Variants in SYT1 observed in about 807,000 individuals in gnomAD.
SYT1 encodes the protein synaptotagmin-1.
In SYT1, 8 loss-of-function variants were observed where a neutral mutation model predicts 44.8. The observed-to-expected ratio is 0.18, with a 90% CI of 0.10 to 0.32. The LOEUF (loss-of-function observed/expected upper bound fraction) is 0.32, where lower values mean the gene tolerates loss of function less well. Among genes scored for constraint, SYT1 ranks in the 10% least tolerant of loss-of-function variants. The pLI is 1.00. For missense variants in SYT1, 286 were observed against 509.3 expected, an observed-to-expected ratio of 0.56 and a Z score of 4.22; for synonymous variants, 154 against 188.8, an observed-to-expected ratio of 0.82 and a Z score of 1.51.
At chr12:79,009,303 TG>T (rs1292166444) in intron 2 of SYT1, among the ~76,000 whole-genome samples, 1 of 136,464 alleles carries the variant, frequency 7.3e-6, no homozygotes, top group Non-Finnish European at 1.6e-5. Context: ...CTCTGGTTTT[TG>T]TTTGTTTGTT....
chr12:79,163,494 C>T lies in SYT1; in HGVS notation c.-17-54009C>T, dbSNP rs371945752. Among the ~76,000 whole-genome samples the T allele has an allele frequency of 5.9e-4, 89 of 152,126 alleles. 2 individuals carry two copies. Among genetic ancestry groups the T allele is most frequent in the African/African-American group, 2.0e-3 (84 of 41,532 alleles). On this transcript the variant is annotated intron_variant, in intron 3 of 10. Transcript: ENST00000261205. ...ACTATGCTGTGCACTTTATGTAAGT[C>T]GTCTCCTATATTCCTTGATAACACG...
chr12:79,374,734 A>G (rs1030345122), intron 9 of SYT1, among the ~76,000 whole-genome samples: 1 of 152,236 alleles, frequency 6.6e-6, no homozygotes, highest in African/African-American at 2.4e-5. Context: ...TCACATATTC[A>G]GCAAATATGT....
At chr12:79,040,484 T>G in intron 2 of SYT1, among the ~76,000 whole-genome samples, 1 of 152,212 alleles carries the variant, frequency 6.6e-6, no homozygotes, top group South Asian at 2.1e-4. Context: ...GTTTTTTTCT[T>G]GTAAATTTGT....
intron 3 of SYT1, among the ~76,000 whole-genome samples, chr12:79,059,990 C>A (rs1875255634): frequency 6.6e-6 from 1 of 152,106 alleles, no homozygotes; most frequent in Admixed American, 6.6e-5. Context: ...TGCTCCTAGA[C>A]ATTATGCAAA....
chr12:78,883,302 A>G (rs768513947), intron 1 of SYT1, among the ~76,000 whole-genome samples: 9 of 151,738 alleles, frequency 5.9e-5, no homozygotes, highest in Non-Finnish European at 8.9e-5. Flanking sequence ...CATGGCACAT[A>G]CTAAGTAGTA....
At chr12:78,875,966 A>G (rs1412773149) in intron 1 of SYT1, among the ~76,000 whole-genome samples, 1 of 151,638 alleles carries the variant, frequency 6.6e-6, no homozygotes, top group African/African-American at 2.4e-5. Context: ...AAAGAAATTA[A>G]ATACATGGCC....
At chr12:79,369,737 C>A (rs1312393556) in intron 9 of SYT1, among the ~76,000 whole-genome samples, 1 of 152,014 alleles carries the variant, frequency 6.6e-6, no homozygotes, top group Non-Finnish European at 1.5e-5. Context: ...GCAGATATAT[C>A]TTTTAAAATT....
chr12:79,039,808 T>C lies in SYT1; in HGVS notation c.-83-7489T>C, dbSNP rs566615216. 1.2e-3 allele frequency among the ~76,000 whole-genome samples: 150 copies of C among 129,524 alleles called. 1 individual carries two copies. The highest frequency in any genetic ancestry group is 3.9e-3 in the African/African-American group (134 of 34,556). The allele number at this position is 129,524 out of a possible 152,430, so 85.0% of individuals were successfully genotyped here. A position where few individuals can be genotyped will look rare whatever the true frequency, so the allele number is the denominator to read the frequency against. ...CAACAACAGTCCCCAGAGTGTGATA[T>C]TCCCCTTCCTGTGTCCATGTGATCT... On this transcript the variant is annotated intron_variant, in intron 2 of 10. Transcript: ENST00000261205.
Position 79,285,928 on chromosome 12 carries a change from A to T in SYT1, c.308A>T (p.Asn103Ile), listed in dbSNP as rs1879290279. 6.2e-7 allele frequency: 1 copy of T among 1,613,420 alleles called. No homozygotes were observed. Residue 103 changes from asparagine to isoleucine, a missense_variant, in exon 5 of 11, where the codon AAC (asparagine) becomes ATC (isoleucine). Transcript: ENST00000261205. ...GKEKGGKNAI[N>I]MKDVKDLGKT... ...GAAAAAGGAGGGAAGAATGCCATTA[A>T]CATGAAAGATGTAAAAGACTTAGGG...
Position 79,215,918 on chromosome 12 carries a change from C to CTTTTTTTTTTT in SYT1, c.-17-1565_-17-1555dup, listed in dbSNP as rs71091653. ...ACTCACAAATCGTTTGCATTTCTTT[C>CTTTTTTTTTTT]TTTTTTTTTTTTTTTTTTTTTTTTT... is the stretch of plus-strand genomic sequence containing the variant. On this transcript the variant is annotated intron_variant, in intron 3 of 10. Coordinates refer to ENST00000261205, the MANE Select transcript of SYT1 (RefSeq NM_005639.3). Among the ~76,000 whole-genome samples, 79 of 76,730 alleles carry CTTTTTTTTTTT rather than the reference C, an allele frequency of 1.0e-3. 2 individuals carry two copies. Among genetic ancestry groups the CTTTTTTTTTTT allele is most frequent in the Non-Finnish European group, 1.4e-3 (63 of 43,896 alleles). 50.3% of individuals were successfully genotyped at this position (76,730 alleles called of 152,430 possible). A position where few individuals can be genotyped will look rare whatever the true frequency, so the allele number is the denominator to read the frequency against.
chr12:79,189,859 G>C (rs770321584), intron 3 of SYT1, among the ~76,000 whole-genome samples: 2 of 152,118 alleles, frequency 1.3e-5, no homozygotes, highest in African/African-American at 4.8e-5. Context: ...AGCTGAGATC[G>C]TGCCACTGCA....
At chr12:79,217,475 T>TTCTG in intron 3 of SYT1, 28 bp from the exon 4 acceptor site, 1 of 1,521,710 alleles carries the variant, frequency 6.6e-7, no homozygotes, top group Non-Finnish European at 8.8e-7. Flanking sequence ...TTTTGAATTG[T>TTCTG]TCTGTCTTTG....
intron 3 of SYT1, among the ~76,000 whole-genome samples, chr12:79,054,181 A>AGT (rs1365985089): frequency 2.0e-5 from 3 of 152,038 alleles, no homozygotes; most frequent in Non-Finnish European, 4.4e-5. Flanking sequence ...GGTCTGTCTG[A>AGT]TTTCTCCTTT....
chr12:79,015,268 G>A (rs1871730939), intron 2 of SYT1, among the ~76,000 whole-genome samples: 1 of 152,018 alleles, frequency 6.6e-6, no homozygotes. Flanking sequence ...GATATTAAAT[G>A]TAAGTTAAAA....
At chr12:78,950,573 C>T (rs1017585308) in intron 1 of SYT1, among the ~76,000 whole-genome samples, 1 of 152,002 alleles carries the variant, frequency 6.6e-6, no homozygotes, top group Non-Finnish European at 1.5e-5. Flanking sequence ...CAATATGTTT[C>T]AAAGAAGTTG....
intron 3 of SYT1, among the ~76,000 whole-genome samples, chr12:79,182,573 G>A (rs757672937): frequency 2.6e-4 from 40 of 152,032 alleles, no homozygotes; most frequent in Non-Finnish European, 4.6e-4. Flanking sequence ...ATAGATATGG[G>A]TAGGTCCAGA....
intron 3 of SYT1, among the ~76,000 whole-genome samples, chr12:79,151,988 G>T (rs1870303559): frequency 6.6e-6 from 1 of 152,088 alleles, no homozygotes; most frequent in African/African-American, 2.4e-5. Flanking sequence ...TGTGTATTCA[G>T]GAAGTTTCAA....
intron 9 of SYT1, among the ~76,000 whole-genome samples, chr12:79,418,911 C>T (rs1338765612): frequency 1.3e-5 from 2 of 152,098 alleles, no homozygotes; most frequent in African/African-American, 2.4e-5. Context: ...TGAGGCCCCA[C>T]CCCAGAACAG....
intron 9 of SYT1, among the ~76,000 whole-genome samples, chr12:79,363,288 C>T (rs768172031): frequency 1.1e-4 from 17 of 152,138 alleles, no homozygotes; most frequent in South Asian, 6.2e-4. Context: ...TAGCAAAAGT[C>T]GGTGCTATTC....
Sources: gnomAD v4.1 joint callset for allele counts (sites outside exome capture counted in the v4.1 genomes callset) on GRCh38, gnomAD v4.1.1 for gene constraint, MANE v1.5 for transcripts, NCBI Gene and HGNC (gene_info 2026-07-23, HGNC 2026-07-21) for gene names.